HECW1: variants seen among roughly 807,000 people sequenced by gnomAD.
HECW1 encodes the protein HECT, C2 and WW domain containing E3 ubiquitin protein ligase 1, also known as E3 ubiquitin-protein ligase HECW1.
In HECW1, 61 loss-of-function variants were observed where a neutral mutation model predicts 182.3. The ratio of observed to expected loss-of-function variants is 0.33; its 90% confidence interval spans 0.27 to 0.41. HECW1 has a LOEUF of 0.41. Ranked by LOEUF, HECW1 falls within the 10% of genes least tolerant of loss-of-function variation. The pLI is 1.00. For synonymous variants in HECW1, 859 were observed against 832.6 expected (o/e 1.03, Z -0.55); for missense variants, 1,739 against 2,108.9 (o/e 0.82, Z 3.44).
rs147697879 is a variant in HECW1, at chr7:43,219,666, G to GAACAGAACA, written c.-31-24209_-31-24208insAACAGAACA. On this transcript the variant is annotated intron_variant, in intron 2 of 29. Coordinates refer to ENST00000395891, the MANE Select transcript of HECW1 (RefSeq NM_015052.5). ...GAACAGAACAGAACAGAACAGAACA[G>GAACAGAACA]GACAGGGATTTTCACAGTGCTTTTC... Among the ~76,000 whole-genome samples, 98 of 151,966 alleles carry GAACAGAACA rather than the reference G, an allele frequency of 6.4e-4. 1 individual carries two copies. The highest frequency in any genetic ancestry group is 2.3e-3 in the African/African-American group (96 of 41,292).
rs151252372 is a variant in HECW1, at chr7:43,316,182, C to T, written c.352+4095C>T. Among the ~76,000 whole-genome samples, 626 of 152,236 alleles carry T rather than the reference C, an allele frequency of 4.1e-3. 4 individuals carry two copies. The highest frequency in any genetic ancestry group is 0.014 in the African/African-American group (593 of 41,532). On this transcript the variant is annotated intron_variant, in intron 4 of 29. Transcript: ENST00000395891. The stretch of plus-strand genomic sequence containing the variant: ...TTATAATAATCCACAAAGATCCTTT[C>T]TCTATTATAAACTGAGGAGCAGGTG...
intron 2 of HECW1, among the ~76,000 whole-genome samples, chr7:43,139,881 A>G (rs548973395): frequency 2.0e-5 from 3 of 152,196 alleles, no homozygotes; most frequent in African/African-American, 2.4e-5. Context: ...TGGGTGTCTT[A>G]GGTGAATTGT....
At chr7:43,311,466 C>T (rs552904745) in intron 3 of HECW1, among the ~76,000 whole-genome samples, 111 of 152,362 alleles carry the variant, frequency 7.3e-4, no homozygotes, top group African/African-American at 2.7e-3. Context: ...TCATTCTGCA[C>T]ATCCCAGTCC....
chr7:43,544,274 TCAGAAGAGATCCCA>T (rs1273247163), intron 26 of HECW1, among the ~76,000 whole-genome samples: 32 of 152,152 alleles, frequency 2.1e-4, no homozygotes, highest in Admixed American at 7.2e-4. Context: ...TCTTTCAATA[TCAGAAGAGATCCCA>T]CAGATCAATA....
intron 24 of HECW1, among the ~76,000 whole-genome samples, chr7:43,513,829 C>T (rs1024629162): frequency 6.6e-6 from 1 of 152,126 alleles, no homozygotes; most frequent in African/African-American, 2.4e-5. Context: ...TCAAAGTCAG[C>T]AGTGATAATA....
At chr7:43,254,701 G>T (rs1800381811) in intron 3 of HECW1, among the ~76,000 whole-genome samples, 1 of 152,168 alleles carries the variant, frequency 6.6e-6, no homozygotes. Flanking sequence ...GAGGAGCCAG[G>T]AATTTCCTCA....
chr7:43,539,972 C>A (rs1241646717), intron 24 of HECW1, among the ~76,000 whole-genome samples: 2 of 152,140 alleles, frequency 1.3e-5, no homozygotes, highest in African/African-American at 4.8e-5. Context: ...TCCCAGAAGC[C>A]CCCTATCCAC....
intron 24 of HECW1, among the ~76,000 whole-genome samples, chr7:43,535,679 G>T (rs1375571792): frequency 2.0e-5 from 3 of 152,232 alleles, no homozygotes; most frequent in Non-Finnish European, 4.4e-5. Flanking sequence ...CTATTTGCAT[G>T]TATCGAGGGT....
rs746216601 is a variant in HECW1, at chr7:43,508,118, G to T, written c.3853G>T (p.Val1285Phe). 6 of 1,613,320 alleles carry T rather than the reference G, an allele frequency of 3.7e-6. No individual in the cohort carries two copies. The highest frequency in any genetic ancestry group is 1.3e-5 in the African/African-American group (1 of 75,016). ...GCGAAACAAGCTCTACGTCACCTTTGTTGGAGAGGAGGGGTGAGGCACCAG... is the reference window on the plus strand; with the variant it reads ...GCGAAACAAGCTCTACGTCACCTTTTTTGGAGAGGAGGGGTGAGGCACCAG... ...LQRNKLYVTF[V>F]GEEGLDYSGP... The change falls in exon 23 of 30, where the codon GTT (valine) becomes TTT (phenylalanine). Residue 1285 changes from valine (V) to phenylalanine (F), a missense_variant. Coordinates refer to ENST00000395891, the MANE Select transcript of HECW1 (RefSeq NM_015052.5).
chr7:43,523,006 T>G (rs770925472), intron 24 of HECW1: 18 of 443,368 alleles, frequency 4.1e-5, no homozygotes, highest in Non-Finnish European at 1.8e-5. Flanking sequence ...GCTTGTTTGT[T>G]TGTTTGTTTG....
intron 23 of HECW1, among the ~76,000 whole-genome samples, chr7:43,508,392 T>A (rs1323958427): frequency 6.6e-6 from 1 of 152,172 alleles, no homozygotes; most frequent in African/African-American, 2.4e-5. Context: ...AATCTTTCCT[T>A]TTTAGGTGGT....
rs1786840617 is a variant in HECW1 at position 43,130,877 on chromosome 7, GGGTATACAATAATCTACTTA to G, written c.-32+16488_-32+16507del. On this transcript the variant is annotated intron_variant, in intron 2 of 29. Coordinates refer to ENST00000395891, the MANE Select transcript of HECW1 (RefSeq NM_015052.5). ...AAATGCTCAACCTGTATTAATAACT[GGGTATACAATAATCTACTTA>G]GTACTTTGTGTATATGTATGTATCT... is the stretch of plus-strand genomic sequence containing the variant. Among the ~76,000 whole-genome samples the G allele has an allele frequency of 2.0e-5, 3 of 146,350 alleles. No homozygotes were observed. In the Admixed American group the frequency reaches 2.1e-4, roughly 10 times the overall value.
At chr7:43,401,549 C>T (rs1463357022) in intron 7 of HECW1, among the ~76,000 whole-genome samples, 2 of 138,782 alleles carry the variant, frequency 1.4e-5, no homozygotes. Flanking sequence ...AACACCTAGA[C>T]AAATCTCATT....
At chr7:43,446,916 G>A (rs1365245164) in intron 11 of HECW1, among the ~76,000 whole-genome samples, 1 of 152,192 alleles carries the variant, frequency 6.6e-6, no homozygotes, top group Non-Finnish European at 1.5e-5. Flanking sequence ...TAGGCCAGAT[G>A]TAATGCACTG....
intron 6 of HECW1, among the ~76,000 whole-genome samples, chr7:43,395,771 C>T (rs2075208693): frequency 6.6e-6 from 1 of 152,170 alleles, no homozygotes; most frequent in Non-Finnish European, 1.5e-5. Context: ...TCCCTTTGTA[C>T]TCCCCTTGCC....
rs185269546 is a variant in HECW1, at chr7:43,502,099, A to G, written c.3631+777A>G. Among the ~76,000 whole-genome samples, 7 of 152,240 alleles carry G rather than the reference A, an allele frequency of 4.6e-5. No homozygotes were observed. In the East Asian group the frequency reaches 1.4e-3, roughly 29 times the overall value. On this transcript the variant is annotated intron_variant, in intron 21 of 29. Coordinates refer to ENST00000395891, the MANE Select transcript of HECW1 (RefSeq NM_015052.5). ...CTCTAAATTGTTGCATTCCAAAGTC[A>G]CTCTCCGAGCATTTCAAACGGAAGA...
chr7:43,402,222 C>T (rs913450960), intron 7 of HECW1, among the ~76,000 whole-genome samples: 2 of 152,202 alleles, frequency 1.3e-5, no homozygotes, highest in Non-Finnish European at 2.9e-5. Flanking sequence ...TTGGTTAACA[C>T]TTAAGCCAGC....
At position 43,541,159 on chromosome 7, in the gene HECW1, C is replaced by T. The variant is rs1235075038; in HGVS notation, c.4020-4C>T. The T allele has an allele frequency of 6.2e-7, 1 of 1,611,564 alleles. No homozygotes were observed. Among genetic ancestry groups the T allele is most frequent in the Non-Finnish European group, 8.5e-7 (1 of 1,177,766 alleles). ...CCGATTTCTCTGCCTTGTCTGTGTT[C>T]CAGGTTCAGGTTTAGCGGTCGCATC... On this transcript the variant is annotated splice_polypyrimidine_tract_variant and splice_region_variant and intron_variant, in intron 24 of 29. Coordinates refer to ENST00000395891, the MANE Select transcript of HECW1 (RefSeq NM_015052.5).
chr7:43,349,949 T>G (rs572503254), intron 5 of HECW1, among the ~76,000 whole-genome samples: 2 of 152,318 alleles, frequency 1.3e-5, no homozygotes, highest in Non-Finnish European at 2.9e-5. Flanking sequence ...TATTTTTGTT[T>G]TATAGGTCCT....
Sources: allele counts gnomAD v4.1 joint callset (sites outside exome capture counted in the v4.1 genomes callset), GRCh38; gene constraint gnomAD v4.1.1; transcripts MANE v1.5; gene names NCBI Gene and HGNC (gene_info 2026-07-23, HGNC 2026-07-21).